The following SYN3 variants were observed in gnomAD, a reference collection of about 807,000 sequenced individuals.
SYN3 encodes synapsin-3.
In SYN3, 35 loss-of-function variants were observed where a neutral mutation model predicts 65.8. The observed-to-expected ratio is 0.53, with a 90% CI of 0.41 to 0.70. The LOEUF (loss-of-function observed/expected upper bound fraction) is 0.70. Among genes scored for constraint, SYN3 ranks in the 30% least tolerant of loss-of-function variants. SYN3 has a pLI of 0.00. For missense variants in SYN3, 680 were observed against 749.0 expected (o/e 0.91, Z 1.08); for synonymous variants, 270 against 292.9 (o/e 0.92, Z 0.80).
chr22:32,704,581 C>A (rs1211155720), intron 6 of SYN3, among the ~76,000 whole-genome samples: 1 of 152,028 alleles, frequency 6.6e-6, no homozygotes, highest in Admixed American at 6.6e-5. Context: ...GGGTATATAC[C>A]CAATAATGGG....
chr22:32,981,510 G>A (rs564311960), intron 2 of SYN3, among the ~76,000 whole-genome samples: 10 of 151,896 alleles, frequency 6.6e-5, no homozygotes, highest in South Asian at 4.2e-4. Flanking sequence ...GCTTGAACCC[G>A]GAAGGCAGAA....
intron 7 of SYN3, among the ~76,000 whole-genome samples, chr22:32,554,578 C>A (rs1342436226): frequency 1.3e-5 from 2 of 152,150 alleles, no homozygotes; most frequent in Non-Finnish European, 2.9e-5. Flanking sequence ...AACCGTCCTT[C>A]CAGCCAAACT....
chr22:32,894,032 G>GGATCGA (rs1250942078), intron 4 of SYN3, among the ~76,000 whole-genome samples: 2 of 152,126 alleles, frequency 1.3e-5, no homozygotes, highest in Non-Finnish European at 2.9e-5. Flanking sequence ...TGGTCCAACT[G>GGATCGA]GATCGAGTCT....
chr22:32,948,736 C>CAATA (rs71187222), intron 3 of SYN3, among the ~76,000 whole-genome samples: 18 of 149,690 alleles, frequency 1.2e-4, no homozygotes, highest in South Asian at 4.3e-4. Flanking sequence ...GACTCCGTCT[C>CAATA]AATAAATAAA....
chr22:32,836,223 C>G (rs1286034772), intron 6 of SYN3, among the ~76,000 whole-genome samples: 2 of 152,208 alleles, frequency 1.3e-5, no homozygotes, highest in African/African-American at 4.8e-5. Context: ...GTCTTGTTCA[C>G]TTTTCTGTTT....
chr22:32,575,383 C>T (rs1249871286), intron 7 of SYN3, among the ~76,000 whole-genome samples: 1 of 152,088 alleles, frequency 6.6e-6, no homozygotes, highest in Non-Finnish European at 1.5e-5. Flanking sequence ...AAGAGAAGGA[C>T]CATGACAGAC....
intron 6 of SYN3, among the ~76,000 whole-genome samples, chr22:32,763,562 T>G (rs1391424812): frequency 2.0e-5 from 3 of 152,154 alleles, no homozygotes; most frequent in Non-Finnish European, 4.4e-5. Context: ...ATTTTACAGA[T>G]GTGAAAACCG....
intron 6 of SYN3, among the ~76,000 whole-genome samples, chr22:32,817,956 A>G (rs2047131325): frequency 6.6e-6 from 1 of 152,182 alleles, no homozygotes; most frequent in African/African-American, 2.4e-5. Flanking sequence ...TAATCATTTT[A>G]CCGATAGGAG....
chr22:32,797,098 C>T (rs935667672), intron 6 of SYN3, among the ~76,000 whole-genome samples: 4 of 152,142 alleles, frequency 2.6e-5, no homozygotes, highest in Non-Finnish European at 5.9e-5. Flanking sequence ...TGTGCTCTCC[C>T]GCCCTCGCAG....
intron 3 of SYN3, among the ~76,000 whole-genome samples, chr22:32,940,432 GT>G (rs1172526193): frequency 4.6e-5 from 7 of 151,768 alleles, no homozygotes; most frequent in African/African-American, 1.5e-4. Flanking sequence ...CTTAAAAAAT[GT>G]TTGCCTATCC....
intron 6 of SYN3, among the ~76,000 whole-genome samples, chr22:32,611,283 T>G (rs2059439615): frequency 1.2e-5 from 1 of 82,948 alleles, no homozygotes; most frequent in Non-Finnish European, 2.5e-5. Flanking sequence ...GTTTTTTTTT[T>G]GTTTTTTTTT....
intron 6 of SYN3, among the ~76,000 whole-genome samples, chr22:32,705,084 T>A (rs1183457804): frequency 6.6e-6 from 1 of 152,232 alleles, no homozygotes; most frequent in Non-Finnish European, 1.5e-5. Flanking sequence ...AATTTTTGCT[T>A]TTGTTGCAAC....
At chr22:32,879,833 C>T (rs537740028) in intron 4 of SYN3, among the ~76,000 whole-genome samples, 2 of 152,250 alleles carry the variant, frequency 1.3e-5, no homozygotes, top group South Asian at 4.2e-4. Flanking sequence ...AAGTCAACAA[C>T]CCTTTTAAAA....
At chr22:32,741,545 C>T (rs572532143) in intron 6 of SYN3, among the ~76,000 whole-genome samples, 6 of 151,686 alleles carry the variant, frequency 4.0e-5, no homozygotes, top group East Asian at 2.0e-4. Flanking sequence ...TTAGTAGAGA[C>T]GGGGTTTCAC....
chr22:32,704,226 C>T (rs2060849330), intron 6 of SYN3, among the ~76,000 whole-genome samples: 1 of 152,090 alleles, frequency 6.6e-6, no homozygotes, highest in Admixed American at 6.6e-5. Context: ...TCTCACTCTC[C>T]TGGCTCAAAC....
chr22:32,962,256 C>T (rs751663686), intron 3 of SYN3, among the ~76,000 whole-genome samples: 8 of 151,414 alleles, frequency 5.3e-5, no homozygotes, highest in Non-Finnish European at 1.2e-4. Flanking sequence ...CTGCCTCAGC[C>T]TCCTGAGTAG....
At chr22:32,648,372 A>T (rs952691163) in intron 6 of SYN3, among the ~76,000 whole-genome samples, 2 of 152,118 alleles carry the variant, frequency 1.3e-5, no homozygotes, top group African/African-American at 4.8e-5. Flanking sequence ...CATTTATGGT[A>T]GTCATCAGTT....
At chr22:32,998,203 A>T (rs146200632) in intron 2 of SYN3, among the ~76,000 whole-genome samples, 110 of 152,264 alleles carry the variant, frequency 7.2e-4, no homozygotes, top group African/African-American at 2.4e-3. Flanking sequence ...GACACCATGT[A>T]GAAGTGGGTG....
chr22:32,677,494 T>C, intron 6 of SYN3, among the ~76,000 whole-genome samples: 1 of 151,546 alleles, frequency 6.6e-6, no homozygotes, highest in East Asian at 1.9e-4. Flanking sequence ...CAAATTAGAG[T>C]CATATCAAAA....
Sources: allele counts gnomAD v4.1 joint callset (sites outside exome capture counted in the v4.1 genomes callset), GRCh38; gene constraint gnomAD v4.1.1; transcripts MANE v1.5; gene names NCBI Gene and HGNC (gene_info 2026-07-23, HGNC 2026-07-21).